LPP: variants seen among roughly 807,000 people sequenced by gnomAD.
LPP encodes LIM domain containing preferred translocation partner in lipoma.
A neutral mutation model predicts 60.4 loss-of-function variants in LPP; 38 were observed. The observed-to-expected ratio is 0.63, with a 90% CI of 0.49 to 0.83. The LOEUF (loss-of-function observed/expected upper bound fraction) is 0.83. Among genes scored for constraint, LPP ranks in the 40% least tolerant of loss-of-function variants. LPP has a pLI of 0.00. For missense variants in LPP, 902 were observed against 783.6 expected, an observed-to-expected ratio of 1.15 and a Z score of -1.80; for synonymous variants, 328 against 290.8, an observed-to-expected ratio of 1.13 and a Z score of -1.30.
At chr3:188,645,544 G>C (rs1057088994) in intron 7 of LPP, among the ~76,000 whole-genome samples, 2 of 152,110 alleles carry the variant, frequency 1.3e-5, no homozygotes. Flanking sequence ...CGTGCATGGA[G>C]TACAAGGTCA....
rs1461167383 is a variant in LPP, at chr3:188,890,568, A to G, written c.*16089A>G. ...TTTCTCTACCAATTATGTTTTTTCA[A>G]TGCTCTATAAGAATGAATATGGAAA... On this transcript the variant is annotated 3_prime_UTR_variant, in exon 12 of 12. Transcript: ENST00000617246. The G allele has an allele frequency of 5.6e-6, 1 of 179,668 alleles. No homozygotes were observed. Among genetic ancestry groups the G allele is most frequent in the Non-Finnish European group, 1.2e-5 (1 of 83,992 alleles). The allele number at this position is 179,668 out of a possible 1,614,324, so 11.1% of individuals were successfully genotyped here.
chr3:188,810,796 T>A (rs2151305088), intron 9 of LPP, among the ~76,000 whole-genome samples: 1 of 152,238 alleles, frequency 6.6e-6, no homozygotes, highest in East Asian at 1.9e-4. Flanking sequence ...TTGTTTTAAA[T>A]TATTGTATGG....
chr3:188,334,414 ATTTC>A (rs1560262857), intron 2 of LPP, among the ~76,000 whole-genome samples: 2 of 110,238 alleles, frequency 1.8e-5, no homozygotes, highest in South Asian at 5.6e-4. Flanking sequence ...ATCTTACGAT[ATTTC>A]TTTCTTTTTT....
intron 9 of LPP, among the ~76,000 whole-genome samples, chr3:188,862,509 T>C (rs1448539228): frequency 6.6e-6 from 1 of 151,730 alleles, no homozygotes; most frequent in African/African-American, 2.4e-5. Flanking sequence ...TACAAGATAG[T>C]CTGGGCTGGT....
intron 2 of LPP, among the ~76,000 whole-genome samples, chr3:188,283,010 G>A (rs1231544575): frequency 1.3e-5 from 2 of 152,184 alleles, no homozygotes; most frequent in Non-Finnish European, 2.9e-5. Flanking sequence ...GTCAAATGCA[G>A]TTAACCCAGG....
At chr3:188,457,727 C>CT (rs932429447) in intron 4 of LPP, among the ~76,000 whole-genome samples, 1 of 41,882 alleles carries the variant, frequency 2.4e-5, no homozygotes, top group African/African-American at 9.0e-5. Context: ...ACTGTCTCTA[C>CT]TAAAAAAAAA....
intron 5 of LPP, among the ~76,000 whole-genome samples, chr3:188,500,865 T>G (rs1343252862): frequency 6.6e-6 from 1 of 152,138 alleles, no homozygotes; most frequent in Non-Finnish European, 1.5e-5. Flanking sequence ...AAATCTTTTT[T>G]ATTTCTGTAG....
At chr3:188,289,434 T>C (rs186847568) in intron 2 of LPP, among the ~76,000 whole-genome samples, 2 of 152,342 alleles carry the variant, frequency 1.3e-5, no homozygotes, top group Non-Finnish European at 2.9e-5. Flanking sequence ...TGACTAAATA[T>C]TGAGCACTTA....
chr3:188,592,557 G>GTTGTTTGTTTTTTTTTTTTT (rs1553936334), intron 6 of LPP, among the ~76,000 whole-genome samples: 40 of 85,754 alleles, frequency 4.7e-4, no homozygotes, highest in East Asian at 3.4e-3. Flanking sequence ...TTTTGTTTTT[G>GTTGTTTGTTTTTTTTTTTTT]TTTTTTAAAT....
intron 6 of LPP, among the ~76,000 whole-genome samples, chr3:188,593,153 GGT>G (rs10678737): frequency 0.078 from 11,632 of 148,446 alleles, 984 homozygotes; most frequent in East Asian, 0.34. Context: ...TCTGATGCCT[GGT>G]GTGTGTGTGT....
At chr3:188,404,926 A>G (rs567128043) in intron 3 of LPP, among the ~76,000 whole-genome samples, 2 of 152,310 alleles carry the variant, frequency 1.3e-5, no homozygotes, top group South Asian at 2.1e-4. Context: ...CCCAGCAGGC[A>G]GGCTGACTGG....
At chr3:188,342,017 G>A (rs1316981294) in intron 3 of LPP, among the ~76,000 whole-genome samples, 2 of 152,170 alleles carry the variant, frequency 1.3e-5, no homozygotes, top group Non-Finnish European at 2.9e-5. Context: ...ATGCAATGGA[G>A]TAGAATGTGC....
chr3:188,485,796 C>A (rs1310584606), intron 5 of LPP, among the ~76,000 whole-genome samples: 120 of 40,112 alleles, frequency 3.0e-3, no homozygotes, highest in African/African-American at 9.3e-3. Context: ...GACTCCGTCT[C>A]AAAAAAAAAA....
At chr3:188,215,527 C>A (rs898313069) in intron 1 of LPP, among the ~76,000 whole-genome samples, 4 of 151,974 alleles carry the variant, frequency 2.6e-5, no homozygotes, top group East Asian at 1.9e-4. Flanking sequence ...GGAATCATAC[C>A]GTATTTGTCT....
chr3:188,217,964 C>T lies in LPP; in HGVS notation c.-189-7441C>T, dbSNP rs1714291420. ...GGTATTTTTGTAAAACATTCTTTCC[C>T]ACCAAGAATGAGGAACGTTCAGAGT... On this transcript the variant is annotated intron_variant, in intron 1 of 11. Coordinates refer to ENST00000617246, the MANE Select transcript of LPP (RefSeq NM_001375462.1). This position sits in a 1 kb window ranked among gnomAD's most constrained non-coding sequence, Gnocchi z 4.0. Among the ~76,000 whole-genome samples the T allele has an allele frequency of 6.6e-6, 1 of 152,184 alleles. No individual in the cohort carries two copies. Among genetic ancestry groups the T allele is most frequent in the African/African-American group, 2.4e-5 (1 of 41,440 alleles).
chr3:188,426,153 C>CCCAGAAA (rs201094076), intron 4 of LPP, among the ~76,000 whole-genome samples: 2,775 of 152,190 alleles, frequency 0.018, 90 homozygotes, highest in African/African-American at 0.064. Context: ...CATGTTGTGT[C>CCCAGAAA]TTTATTCTGA....
At chr3:188,244,231 A>G (rs1018970975) in intron 2 of LPP, among the ~76,000 whole-genome samples, 2 of 152,230 alleles carry the variant, frequency 1.3e-5, no homozygotes, top group East Asian at 3.8e-4. Flanking sequence ...AAAAGCAAAC[A>G]TGCTTCCTCA....
intron 6 of LPP, among the ~76,000 whole-genome samples, chr3:188,566,475 TA>T (rs1418589339): frequency 3.9e-5 from 6 of 151,914 alleles, no homozygotes; most frequent in African/African-American, 1.4e-4. Flanking sequence ...ATATGTATCT[TA>T]ACTGTGATCA....
At chr3:188,571,466 C>A (rs55857126) in intron 6 of LPP, among the ~76,000 whole-genome samples, 3,467 of 151,148 alleles carry the variant, frequency 0.023, 71 homozygotes, top group Admixed American at 0.06. Context: ...CTACTTGTTT[C>A]AAAAATGAGC....
Sources: gnomAD v4.1 joint callset for allele counts (sites outside exome capture counted in the v4.1 genomes callset) on GRCh38, gnomAD v4.1.1 for gene constraint, Gnocchi (gnomAD v3.1) non-coding constraint, MANE v1.5 for transcripts, NCBI Gene and HGNC (gene_info 2026-07-23, HGNC 2026-07-21) for gene names.